R3HDM2: variants seen among roughly 807,000 people sequenced by gnomAD.
R3HDM2 encodes R3H domain-containing protein 2.
A neutral mutation model predicts 124.5 loss-of-function variants in R3HDM2; 38 were observed. The ratio of observed to expected loss-of-function variants is 0.31; its 90% CI spans 0.24 to 0.40. The LOEUF (loss-of-function observed/expected upper bound fraction) is 0.40. Ranked by LOEUF, R3HDM2 falls within the 10% of genes least tolerant of loss-of-function variation. The pLI is 1.00. For missense variants in R3HDM2, 869 were observed against 1,236.9 expected (o/e 0.70, Z 4.46); for synonymous variants, 391 against 448.0 (o/e 0.87, Z 1.61).
intron 13 of R3HDM2, among the ~76,000 whole-genome samples, chr12:57,282,377 G>A (rs1364193606): frequency 6.6e-6 from 1 of 152,104 alleles, no homozygotes; most frequent in Non-Finnish European, 1.5e-5. Context: ...GCAAACTGGA[G>A]TCAGGAAGTT....
Position 57,291,821 on chromosome 12 carries a change from CACA to C in R3HDM2, c.906+748_906+750del, listed in dbSNP as rs1382913118. Among the ~76,000 whole-genome samples, 4 of 152,132 alleles carry C rather than the reference CACA, an allele frequency of 2.6e-5. No individual in the cohort carries two copies. In the East Asian group the frequency reaches 7.7e-4, roughly 29 times the overall value. ...GAGATTTGTTTCCCTCTTGTACACC[CACA>C]ACCTTTCCTGAATTTCTGCTATTCT... On this transcript the variant is annotated intron_variant, in intron 11 of 23. Transcript: ENST00000402412.
At position 57,369,949 on chromosome 12, in the gene R3HDM2, A is replaced by G. The variant is rs537229546; in HGVS notation, c.-36+25800T>C. ...GCACCTTCAAAACAGAAGGTTAAAT[A>G]AATACAAAATAGCACATATAAATTA... On this transcript the variant is annotated intron_variant, in intron 2 of 23. Transcript: ENST00000402412. 2.0e-4 allele frequency among the ~76,000 whole-genome samples: 31 copies of G among 152,330 alleles called. No individual in the cohort carries two copies. The South Asian group carries it at 6.0e-3, about 30-fold the overall frequency.
chr12:57,308,803 C>A (rs2053310125), intron 3 of R3HDM2, among the ~76,000 whole-genome samples: 1 of 152,172 alleles, frequency 6.6e-6, no homozygotes, highest in African/African-American at 2.4e-5. Context: ...ATAACTTAGA[C>A]CCAAAAGGTC....
In R3HDM2 at chr12:57,255,948, G is replaced by T. The variant is rs200593019; in HGVS notation, c.2632+42C>A. ...TGGACTGGTAATTAAGCGCTGGAAG[G>T]GTGGGCACCTTCTCTTGGGGATTCA... On this transcript the variant is annotated intron_variant, in intron 23 of 23. Transcript: ENST00000402412. 355 of 1,562,300 alleles carry T rather than the reference G, an allele frequency of 2.3e-4. 2 individuals are homozygous for T. In the Middle Eastern group the frequency reaches 5.4e-3, roughly 24 times the overall value.
intron 1 of R3HDM2, chr12:57,418,235 T>C: frequency 1.0e-6 from 1 of 985,378 alleles, no homozygotes; most frequent in South Asian, 4.7e-5. Flanking sequence ...ATTTAAACAA[T>C]CTCCAAATTC....
At chr12:57,292,732 G>A in intron 10 of R3HDM2, 65 bp from the exon 11 acceptor site, 3 of 992,506 alleles carry the variant, frequency 3.0e-6, no homozygotes, top group South Asian at 1.5e-5. Context: ...CTGCACACCA[G>A]CAAGGAAGAG....
intron 1 of R3HDM2, among the ~76,000 whole-genome samples, chr12:57,422,351 C>T (rs2070300406): frequency 6.6e-6 from 1 of 152,128 alleles, no homozygotes; most frequent in Admixed American, 6.6e-5. Flanking sequence ...ATATCAGGCA[C>T]CTAGGTACCT....
At chr12:57,276,034 G>A (rs963038297) in intron 14 of R3HDM2, among the ~76,000 whole-genome samples, 7 of 151,978 alleles carry the variant, frequency 4.6e-5, no homozygotes, top group Non-Finnish European at 7.4e-5. Context: ...TGGCTAACAT[G>A]GTGAAACCCC....
chr12:57,305,942 A>G (rs1022476757), intron 3 of R3HDM2, among the ~76,000 whole-genome samples: 3 of 152,244 alleles, frequency 2.0e-5, no homozygotes, highest in Non-Finnish European at 4.4e-5. Context: ...TACTATATAG[A>G]CCTGCAAATA....
At chr12:57,400,327 G>GC (rs2067931305) in intron 1 of R3HDM2, among the ~76,000 whole-genome samples, 1 of 151,524 alleles carries the variant, frequency 6.6e-6, no homozygotes, top group African/African-American at 2.4e-5. Context: ...GCAAACTATC[G>GC]CAAGGACAAA....
chr12:57,430,512 C>T (rs1329268067), intron 1 of R3HDM2: 1 of 984,666 alleles, frequency 1.0e-6, no homozygotes, highest in East Asian at 1.1e-4. Flanking sequence ...CGCCCTCCGC[C>T]CCGCGCCCCC....
chr12:57,403,384 TG>T (rs1566494350), intron 1 of R3HDM2, among the ~76,000 whole-genome samples: 2 of 151,918 alleles, frequency 1.3e-5, no homozygotes, highest in Non-Finnish European at 2.9e-5. Context: ...CCCAGCTACT[TG>T]GGAGGCTGAG....
intron 19 of R3HDM2, among the ~76,000 whole-genome samples, chr12:57,264,462 C>T (rs1229904907): frequency 6.7e-6 from 1 of 149,892 alleles, no homozygotes; most frequent in East Asian, 2.0e-4. Flanking sequence ...GTCCCAGCTA[C>T]TCAGGAGGCT....
chr12:57,364,345 TCAC>T (rs2062343429), intron 2 of R3HDM2, among the ~76,000 whole-genome samples: 1 of 152,044 alleles, frequency 6.6e-6, no homozygotes, highest in Admixed American at 6.5e-5. Flanking sequence ...AGACAGGGTT[TCAC>T]CACATTGGCC....
In R3HDM2 at chr12:57,429,456, C is replaced by A. The variant is rs896415430; in HGVS notation, c.-106+1264G>T. ...TATTTAAACTTTTTGTCTTTCCCGG[C>A]GCGGTGGCTCAAGCCTACCACTTTG... On this transcript the variant is annotated intron_variant, in intron 1 of 23. Coordinates refer to ENST00000402412, the MANE Select transcript of R3HDM2 (RefSeq NM_001394031.1). Among the ~76,000 whole-genome samples, 12 of 152,076 alleles carry A rather than the reference C, an allele frequency of 7.9e-5. No individual in the cohort carries two copies. The East Asian group carries it at 2.3e-3, about 29-fold the overall frequency.
At chr12:57,361,766 C>CA (rs1408547858) in intron 2 of R3HDM2, among the ~76,000 whole-genome samples, 6 of 151,962 alleles carry the variant, frequency 3.9e-5, no homozygotes, top group Admixed American at 1.3e-4. Flanking sequence ...ACAACTAAAG[C>CA]AAAAGGAAGG....
At chr12:57,287,396 G>A (rs972279131) in intron 12 of R3HDM2, among the ~76,000 whole-genome samples, 1 of 152,084 alleles carries the variant, frequency 6.6e-6, no homozygotes, top group Admixed American at 6.6e-5. Flanking sequence ...TTAATGCAGG[G>A]GACTCTATCT....
intron 2 of R3HDM2, among the ~76,000 whole-genome samples, chr12:57,367,566 C>T (rs1475423087): frequency 1.3e-5 from 2 of 152,190 alleles, no homozygotes; most frequent in East Asian, 1.9e-4. Context: ...ATTGCCAGCT[C>T]TGTATGTGTA....
At chr12:57,406,833 T>C (rs1370937537) in intron 1 of R3HDM2, among the ~76,000 whole-genome samples, 3 of 152,168 alleles carry the variant, frequency 2.0e-5, no homozygotes, top group Non-Finnish European at 4.4e-5. Flanking sequence ...AGAGAACATG[T>C]TAAATGACAC....
Sources: gnomAD v4.1 joint callset for allele counts (sites outside exome capture counted in the v4.1 genomes callset) on GRCh38, gnomAD v4.1.1 for gene constraint, MANE v1.5 for transcripts, NCBI Gene and HGNC (gene_info 2026-07-23, HGNC 2026-07-21) for gene names.